BICDL1: variants seen among roughly 807,000 people sequenced by gnomAD.
BICDL1 encodes the protein BICD family-like cargo adapter 1.
BICDL1 carries 20 observed loss-of-function variants against 76.8 expected under a neutral mutation model. The observed-to-expected ratio is 0.26, with a 90% CI of 0.18 to 0.38. The LOEUF is 0.38. Among genes scored for constraint, BICDL1 ranks in the 10% least tolerant of loss-of-function variants. The probability of loss-of-function intolerance (pLI) is 1.00; values close to 1 mark genes in which losing one functional copy is unlikely to be tolerated. For missense variants in BICDL1, 700 were observed against 798.6 expected (o/e 0.88, Z 1.49); for synonymous variants, 383 against 337.1 (o/e 1.14, Z -1.49).
intron 2 of BICDL1, among the ~76,000 whole-genome samples, chr12:120,001,807 T>C (rs1458655230): frequency 6.6e-6 from 1 of 152,110 alleles, no homozygotes; most frequent in Non-Finnish European, 1.5e-5. Context: ...CCCAGCACTT[T>C]AGGAGGTTGA....
chr12:120,006,803 G>A (rs1343270512), intron 2 of BICDL1, among the ~76,000 whole-genome samples: 1 of 152,168 alleles, frequency 6.6e-6, no homozygotes, highest in African/African-American at 2.4e-5. Context: ...AGCTACCAGG[G>A]GTTTTAGTCA....
intron 1 of BICDL1, chr12:119,992,465 A>T (rs1320460930): frequency 6.6e-6 from 1 of 152,248 alleles, no homozygotes; most frequent in African/African-American, 2.4e-5. Context: ...GTGGCTGATC[A>T]TGGCTTACTG....
intron 2 of BICDL1, among the ~76,000 whole-genome samples, chr12:120,013,818 C>A (rs2138677892): frequency 6.6e-6 from 1 of 152,238 alleles, no homozygotes; most frequent in East Asian, 1.9e-4. Context: ...TGGCAGGGAT[C>A]CAGAAAAGTC....
rs1594231323 is a variant in BICDL1 at position 120,093,792 on chromosome 12, A to C, written c.*631A>C. The stretch of plus-strand genomic sequence containing the variant: ...TGAGGCCACCCGAGCCCCAGGGAGG[A>C]AGAAGGCCCTGTCCCCCTGTCGCCA... On this transcript the variant is annotated 3_prime_UTR_variant, in exon 10 of 10. Coordinates refer to ENST00000548673, the MANE Select transcript of BICDL1 (RefSeq NM_001367886.1). 5.6e-6 allele frequency: 1 copy of C among 178,562 alleles called. No individual in the cohort carries two copies. The highest frequency in any genetic ancestry group is 1.7e-4 in the East Asian group (1 of 5,886). The allele number at this position is 178,562 out of a possible 1,614,324, so 11.1% of individuals were successfully genotyped here.
intron 7 of BICDL1, 139 bp from the exon 8 acceptor site, chr12:120,080,748 G>T: frequency 2.6e-6 from 2 of 775,466 alleles, no homozygotes; most frequent in East Asian, 3.0e-5. Context: ...CTTGAAGCAG[G>T]ATGGCAGTGG....
chr12:120,015,492 A>C (rs768976323), intron 2 of BICDL1, among the ~76,000 whole-genome samples: 1 of 152,058 alleles, frequency 6.6e-6, no homozygotes, highest in Non-Finnish European at 1.5e-5. Flanking sequence ...GATCTCTCCT[A>C]CTTACCAACT....
At chr12:120,052,599 C>T (rs926450195) in intron 2 of BICDL1, among the ~76,000 whole-genome samples, 1 of 152,036 alleles carries the variant, frequency 6.6e-6, no homozygotes, top group Non-Finnish European at 1.5e-5. Context: ...TTGCCAGGCT[C>T]CCCACTATAA....
intron 2 of BICDL1, among the ~76,000 whole-genome samples, chr12:120,039,502 G>A (rs981140653): frequency 1.3e-5 from 2 of 151,168 alleles, no homozygotes; most frequent in African/African-American, 4.9e-5. Flanking sequence ...GCTGGGCGTG[G>A]TGGTGCATGC....
intron 7 of BICDL1, among the ~76,000 whole-genome samples, chr12:120,077,130 G>T (rs1873612308): frequency 6.6e-6 from 1 of 152,208 alleles, no homozygotes; most frequent in Non-Finnish European, 1.5e-5. Context: ...ACCTGAGAGT[G>T]TTCTTTTCTC....
intron 1 of BICDL1, among the ~76,000 whole-genome samples, chr12:119,996,381 G>A (rs1951645933): frequency 6.6e-6 from 1 of 152,174 alleles, no homozygotes; most frequent in African/African-American, 2.4e-5. Context: ...TAAGATGGCA[G>A]GATGAAGGAG....
intron 2 of BICDL1, among the ~76,000 whole-genome samples, chr12:120,024,875 A>G (rs1177605046): frequency 1.3e-5 from 2 of 151,794 alleles, no homozygotes; most frequent in Non-Finnish European, 2.9e-5. Flanking sequence ...ACGGATTTTC[A>G]CCATGTTGGC....
intron 1 of BICDL1, among the ~76,000 whole-genome samples, chr12:119,997,239 C>G: frequency 6.6e-6 from 1 of 152,186 alleles, no homozygotes; most frequent in South Asian, 2.1e-4. Flanking sequence ...TGCCACCGCG[C>G]CTGGCCACAA....
intron 2 of BICDL1, chr12:120,057,087 C>T (rs567810576): frequency 5.7e-6 from 3 of 522,418 alleles, no homozygotes; most frequent in Non-Finnish European, 1.2e-5. Context: ...ACCTCTGATG[C>T]AGAATTTGAT....
At position 120,092,736 on chromosome 12, in the gene BICDL1, G is replaced by A. The variant is rs1052202681; in HGVS notation, c.1705-264G>A. 1.1e-5 allele frequency: 11 copies of A among 985,338 alleles called. No individual in the cohort carries two copies. In the African/African-American group the frequency reaches 1.9e-4, roughly 17 times the overall value. The allele number at this position is 985,338 out of a possible 1,614,324, so 61.0% of individuals were successfully genotyped here. A position where few individuals can be genotyped will look rare whatever the true frequency, so the allele number is the denominator to read the frequency against. On this transcript the variant is annotated intron_variant, in intron 9 of 9. Transcript: ENST00000548673. ...AGAGACCACCCGAGCCATCAGCTGA[G>A]GACTGTGGCGGCCCAGCAGGAGTAA...
chr12:120,084,991 G>A (rs1318651549), intron 8 of BICDL1, among the ~76,000 whole-genome samples: 1 of 150,572 alleles, frequency 6.6e-6, no homozygotes. Context: ...CTCTATTTCC[G>A]TTTTACCTTT....
intron 6 of BICDL1, 64 bp from the exon 7 acceptor site, chr12:120,074,378 TC>T (rs2138957012): frequency 4.0e-6 from 4 of 998,658 alleles, no homozygotes; most frequent in Non-Finnish European, 4.8e-6. Flanking sequence ...ACCATCTCTC[TC>T]CCCCTTCCCT....
intron 2 of BICDL1, among the ~76,000 whole-genome samples, chr12:120,054,486 A>G (rs1594173821): frequency 6.6e-6 from 1 of 152,216 alleles, no homozygotes; most frequent in Non-Finnish European, 1.5e-5. Context: ...GTCTTCATCA[A>G]TGCATTATAA....
intron 2 of BICDL1, among the ~76,000 whole-genome samples, chr12:120,011,105 C>T (rs1400788471): frequency 6.6e-6 from 1 of 152,130 alleles, no homozygotes; most frequent in African/African-American, 2.4e-5. Flanking sequence ...GGCAGTGATT[C>T]AGTTCTCCTC....
intron 9 of BICDL1, chr12:120,091,572 A>G: frequency 1.0e-6 from 1 of 984,856 alleles, no homozygotes; most frequent in South Asian, 4.7e-5. Flanking sequence ...GGGCAAGTGG[A>G]AAAGGGGATG....
Sources: gnomAD v4.1 joint callset for allele counts (sites outside exome capture counted in the v4.1 genomes callset) on GRCh38, gnomAD v4.1.1 for gene constraint, MANE v1.5 for transcripts, NCBI Gene and HGNC (gene_info 2026-07-23, HGNC 2026-07-21) for gene names.